The following EVA1A variants were observed in gnomAD, a reference collection of about 807,000 sequenced individuals.
The protein encoded by EVA1A is protein eva-1 homolog A.
A neutral mutation model predicts 9.8 loss-of-function variants in EVA1A; 7 were observed. That is an observed-to-expected ratio of 0.71 (90% CI 0.41 to 1.34). EVA1A has a LOEUF of 1.34. Among genes scored for constraint, EVA1A ranks in the 40% most tolerant of loss-of-function variants. The probability of loss-of-function intolerance (pLI) is 0.01; values close to 1 mark genes in which losing one functional copy is unlikely to be tolerated. For missense variants in EVA1A, 206 were observed against 205.9 expected (o/e 1.00, Z 0.00); for synonymous variants, 90 against 85.6 (o/e 1.05, Z -0.28).
Position 75,493,304 on chromosome 2 carries a change from T to C in EVA1A, c.391A>G (p.Ile131Val). The change falls in exon 4 of 4, where the codon ATC (isoleucine) becomes GTC (valine). Residue 131 changes from isoleucine (I) to valine (V), a missense_variant. Coordinates refer to ENST00000393913, the MANE Select transcript of EVA1A (RefSeq NM_001135032.2). ...AQRLEERERI[I>V]REIWMNGQPE... ...TGGCCATTCATCCAGATCTCCCTGA[T>C]GATGCGCTCGCGCTCCTCCAGCCGC... 1.2e-6 allele frequency: 2 copies of C among 1,614,086 alleles called. No homozygotes were observed. Among genetic ancestry groups the C allele is most frequent in the Non-Finnish European group, 1.7e-6 (2 of 1,179,968 alleles).
In EVA1A at chr2:75,493,249, T is replaced by C. The variant is rs1000919820; in HGVS notation, c.446A>G (p.Asn149Ser). 6.2e-7 allele frequency: 1 copy of C among 1,612,372 alleles called. No homozygotes were observed. The highest frequency in any genetic ancestry group is 1.3e-5 in the African/African-American group (1 of 74,910). Residue 149 changes from asparagine to serine, a missense_variant, in exon 4 of 4, where the codon AAT (asparagine) becomes AGT (serine). Coordinates refer to ENST00000393913, the MANE Select transcript of EVA1A (RefSeq NM_001135032.2). ...TCCTGCTGCTCCCTAATAGTAGCGA[T>C]TCAGGCTCCTGGTCCCGGGCACCTC... ...QPEVPGTRSL[N>S]RYY
At chr2:75,569,543 G>C (rs182966957) in exon 1 of EVA1A, 1 of 152,120 alleles carries the variant, frequency 6.6e-6, no homozygotes, top group Admixed American at 6.5e-5. Context: ...ACATCTGTTC[G>C]CATCACTAAA....
Position 75,493,371 on chromosome 2 carries a change from G to T in EVA1A, c.324C>A (p.Asn108Lys). The stretch of plus-strand genomic sequence containing the variant: ...CCTCCGCAGAGGTGAACACATTCTT[G>T]TTCAAAGTCCTCTCGAAGCGGCGGT... ...RRHRRFERTL[N>K]KNVFTSAEEL... The change falls in exon 4 of 4, where the codon AAC (asparagine) becomes AAA (lysine). Residue 108 changes from asparagine (N) to lysine (K), a missense_variant. Physicochemically the swap from Asn to Lys is moderately conservative, Grantham distance 94 (BLOSUM62 0). Transcript: ENST00000393913. 1.9e-6 allele frequency: 3 copies of T among 1,614,254 alleles called. No individual in the cohort carries two copies. Among genetic ancestry groups the T allele is most frequent in the Non-Finnish European group, 2.5e-6 (3 of 1,180,046 alleles).
chr2:75,558,012 AGATG>A (rs1676781514), intron 1 of EVA1A, among the ~76,000 whole-genome samples: 1 of 152,246 alleles, frequency 6.6e-6, no homozygotes, highest in Non-Finnish European at 1.5e-5. Context: ...TTTGAAATCC[AGATG>A]TGTGCGTGAA....
At chr2:75,516,441 T>C (rs1675008209) in intron 3 of EVA1A, among the ~76,000 whole-genome samples, 3 of 152,112 alleles carry the variant, frequency 2.0e-5, no homozygotes, top group Admixed American at 2.0e-4. Context: ...GCATCCCAAG[T>C]AGTATTTAAT....
upstream of EVA1A, chr2:75,561,046 A>T (rs568255854): frequency 3.6e-5 from 5 of 137,026 alleles, no homozygotes; most frequent in Non-Finnish European, 6.2e-5. Context: ...CCAGCGGCCC[A>T]TGTGGGCGCC....
At chr2:75,518,023 T>C in intron 3 of EVA1A, 33 bp downstream of exon 3, 1 of 1,612,778 alleles carries the variant, frequency 6.2e-7, no homozygotes, top group Non-Finnish European at 8.5e-7. Flanking sequence ...GCCCCAGACC[T>C]CAGTCCTGGC....
At chr2:75,517,218 C>T (rs987916809) in intron 3 of EVA1A, among the ~76,000 whole-genome samples, 1 of 152,070 alleles carries the variant, frequency 6.6e-6, no homozygotes, top group African/African-American at 2.4e-5. Context: ...ACTCTTAGAC[C>T]ACCATGTGTC....
upstream of EVA1A, among the ~76,000 whole-genome samples, chr2:75,563,646 T>A (rs542401389): frequency 3.9e-5 from 6 of 152,352 alleles, no homozygotes; most frequent in South Asian, 1.2e-3. Flanking sequence ...AACATGAAGA[T>A]CTGTTCATCT....
chr2:75,550,209 AG>A (rs1378177458), intron 1 of EVA1A, among the ~76,000 whole-genome samples: 1 of 152,182 alleles, frequency 6.6e-6, no homozygotes, highest in Non-Finnish European at 1.5e-5. Flanking sequence ...CAAATCCTCT[AG>A]GGTCATTCCA....
chr2:75,567,543 C>T (rs938035245), intron 1 of EVA1A, among the ~76,000 whole-genome samples: 5 of 152,142 alleles, frequency 3.3e-5, no homozygotes, highest in Admixed American at 3.3e-4. Context: ...CAAATCATAC[C>T]GAGCTCTTAA....
chr2:75,549,006 ATATTT>A (rs72307063), intron 1 of EVA1A, among the ~76,000 whole-genome samples: 22,844 of 125,720 alleles, frequency 0.18, 1,920 homozygotes, highest in East Asian at 0.28. Context: ...ATATATATAT[ATATTT>A]TTTTTTTTTT....
In EVA1A at chr2:75,558,623, A is replaced by G. The variant is rs758504708; in HGVS notation, c.-192+2057T>C. The stretch of plus-strand genomic sequence containing the variant: ...GGAACTGAAGAATGATGCTTCACCC[A>G]AAAGGAGACTTAACTTCTAGTCTCA... On this transcript the variant is annotated intron_variant, in intron 1 of 3. Transcript: ENST00000393913. The G allele has an allele frequency of 2.0e-5, 3 of 152,254 alleles. No individual in the cohort carries two copies. In the South Asian group the frequency reaches 6.2e-4, roughly 31 times the overall value. 9.4% of individuals were successfully genotyped at this position (152,254 alleles called of 1,614,324 possible). A position where few individuals can be genotyped will look rare whatever the true frequency, so the allele number is the denominator to read the frequency against.
chr2:75,551,056 G>C (rs2422174), intron 1 of EVA1A, among the ~76,000 whole-genome samples: 1 of 152,018 alleles, frequency 6.6e-6, no homozygotes, highest in Non-Finnish European at 1.5e-5. Context: ...CCAGGAGGCA[G>C]AGGTTGCAGT....
At chr2:75,495,475 G>C (rs953671476) in intron 3 of EVA1A, among the ~76,000 whole-genome samples, 3 of 152,182 alleles carry the variant, frequency 2.0e-5, no homozygotes, top group Non-Finnish European at 2.9e-5. Flanking sequence ...CTAGTGGCTT[G>C]TTCCAGGTCA....
intron 1 of EVA1A, among the ~76,000 whole-genome samples, chr2:75,525,104 T>C (rs900596384): frequency 7.2e-5 from 11 of 152,126 alleles, no homozygotes; most frequent in Admixed American, 5.9e-4. Flanking sequence ...TATATAAATA[T>C]ACAATGTATA....
intron 3 of EVA1A, among the ~76,000 whole-genome samples, chr2:75,513,543 C>T (rs1163183967): frequency 6.6e-6 from 1 of 151,930 alleles, no homozygotes; most frequent in Non-Finnish European, 1.5e-5. Context: ...GGGTATATAC[C>T]CATAGGAAGT....
intron 1 of EVA1A, among the ~76,000 whole-genome samples, chr2:75,527,128 C>T (rs1675474409): frequency 1.3e-5 from 2 of 152,156 alleles, no homozygotes; most frequent in African/African-American, 2.4e-5. Flanking sequence ...TAGACAATAG[C>T]CACTCTACTT....
intron 1 of EVA1A, among the ~76,000 whole-genome samples, chr2:75,548,416 T>C (rs1456155643): frequency 1.3e-5 from 2 of 152,170 alleles, no homozygotes; most frequent in African/African-American, 2.4e-5. Flanking sequence ...ATTATAGGTG[T>C]GAGCCACCCT....
Sources: gnomAD v4.1 joint callset for allele counts (sites outside exome capture counted in the v4.1 genomes callset) on GRCh38, gnomAD v4.1.1 for gene constraint, MANE v1.5 for transcripts, NCBI Gene and HGNC (gene_info 2026-07-23, HGNC 2026-07-21) for gene names.